NKAIN2: variants seen among roughly 807,000 people sequenced by gnomAD.
The protein encoded by NKAIN2 is sodium/potassium transporting ATPase interacting 2.
In NKAIN2, 14 loss-of-function variants were observed where a neutral mutation model predicts 32.6. The observed-to-expected ratio is 0.43, with a 90% CI of 0.28 to 0.67. The LOEUF (loss-of-function observed/expected upper bound fraction) is 0.67, where lower values mean the gene tolerates loss of function less well. Ranked by LOEUF, NKAIN2 falls within the 30% of genes least tolerant of loss-of-function variation. The probability of loss-of-function intolerance (pLI) is 0.17; values close to 1 mark genes in which losing one functional copy is unlikely to be tolerated. For synonymous variants in NKAIN2, 80 were observed against 87.2 expected, an observed-to-expected ratio of 0.92 and a Z score of 0.46; for missense variants, 198 against 258.3, an observed-to-expected ratio of 0.77 and a Z score of 1.60.
intron 4 of NKAIN2, among the ~76,000 whole-genome samples, chr6:124,700,338 T>G (rs1774712839): frequency 6.6e-6 from 1 of 152,202 alleles, no homozygotes; most frequent in Non-Finnish European, 1.5e-5. Context: ...TTGATTAGTA[T>G]TACTTCTGTT....
intron 1 of NKAIN2, among the ~76,000 whole-genome samples, chr6:123,949,338 A>G (rs1777219970): frequency 6.6e-6 from 1 of 151,930 alleles, no homozygotes; most frequent in Non-Finnish European, 1.5e-5. Context: ...GTCTGTGAAA[A>G]ACGGCATTGG....
intron 3 of NKAIN2, among the ~76,000 whole-genome samples, chr6:124,463,543 A>T (rs1326384193): frequency 6.6e-6 from 1 of 151,934 alleles, no homozygotes; most frequent in Non-Finnish European, 1.5e-5. Flanking sequence ...CAAGTGTTCT[A>T]CCACCTTCTA....
At chr6:124,089,757 T>C (rs1582622312) in intron 1 of NKAIN2, among the ~76,000 whole-genome samples, 1 of 151,996 alleles carries the variant, frequency 6.6e-6, no homozygotes, top group Non-Finnish European at 1.5e-5. Context: ...AAACATATTA[T>C]CTAGTGACTG....
intron 1 of NKAIN2, among the ~76,000 whole-genome samples, chr6:124,111,028 T>C (rs1785362129): frequency 6.6e-6 from 1 of 152,120 alleles, no homozygotes. Flanking sequence ...TATTTCTTTA[T>C]GATGTAGTTT....
intron 1 of NKAIN2, among the ~76,000 whole-genome samples, chr6:124,240,649 T>A (rs780944731): frequency 6.6e-6 from 1 of 152,032 alleles, no homozygotes; most frequent in Non-Finnish European, 1.5e-5. Flanking sequence ...AAAAAGCACA[T>A]GATTATCTCA....
chr6:123,937,883 G>T (rs1776592063), intron 1 of NKAIN2, among the ~76,000 whole-genome samples: 1 of 135,760 alleles, frequency 7.4e-6, no homozygotes, highest in South Asian at 2.5e-4. Context: ...CTCCCTTCAA[G>T]CTGCTCCAAG....
intron 1 of NKAIN2, among the ~76,000 whole-genome samples, chr6:123,868,649 T>C (rs534244788): frequency 1.3e-5 from 2 of 152,328 alleles, no homozygotes; most frequent in Non-Finnish European, 2.9e-5. Context: ...CAAAATTATT[T>C]ACAAATCTCT....
intron 1 of NKAIN2, among the ~76,000 whole-genome samples, chr6:124,280,736 A>G (rs1302049254): frequency 6.6e-6 from 1 of 152,170 alleles, no homozygotes; most frequent in African/African-American, 2.4e-5. Context: ...AATTCATAGG[A>G]AAGACTGCAG....
intron 3 of NKAIN2, among the ~76,000 whole-genome samples, chr6:124,553,457 G>A (rs899130241): frequency 2.6e-5 from 4 of 152,030 alleles, no homozygotes; most frequent in East Asian, 3.9e-4. Flanking sequence ...ACAGGCAGGC[G>A]CCACCACAGC....
intron 1 of NKAIN2, among the ~76,000 whole-genome samples, chr6:124,012,405 G>A (rs1255394777): frequency 3.5e-5 from 5 of 144,332 alleles, no homozygotes; most frequent in East Asian, 2.1e-4. Flanking sequence ...GTGCGATCTC[G>A]GCTCACTGCA....
At chr6:124,321,480 AAG>A (rs1470339306) in intron 2 of NKAIN2, among the ~76,000 whole-genome samples, 3 of 152,210 alleles carry the variant, frequency 2.0e-5, no homozygotes, top group Non-Finnish European at 4.4e-5. Context: ...AAAATTAAAA[AAG>A]AGTTTTGCTA....
intron 1 of NKAIN2, among the ~76,000 whole-genome samples, chr6:124,127,883 A>G (rs752696393): frequency 2.6e-4 from 39 of 152,034 alleles, no homozygotes; most frequent in Non-Finnish European, 4.7e-4. Flanking sequence ...GCTGGAGTGC[A>G]GTGCGCGATC....
intron 1 of NKAIN2, among the ~76,000 whole-genome samples, chr6:124,137,948 T>A (rs1031379489): frequency 1.3e-5 from 2 of 152,058 alleles, no homozygotes; most frequent in Admixed American, 6.6e-5. Flanking sequence ...GTAAGCATTG[T>A]CTTAGGCAGA....
intron 3 of NKAIN2, among the ~76,000 whole-genome samples, chr6:124,545,065 G>C (rs1036938079): frequency 2.0e-5 from 3 of 152,140 alleles, no homozygotes; most frequent in Non-Finnish European, 4.4e-5. Context: ...AAACCGTAAG[G>C]CCTCACTTCA....
intron 1 of NKAIN2, among the ~76,000 whole-genome samples, chr6:124,179,972 C>T (rs767344312): frequency 3.3e-5 from 5 of 152,102 alleles, no homozygotes; most frequent in Non-Finnish European, 4.4e-5. Flanking sequence ...TTAGATATTG[C>T]ATAGTGCTGA....
chr6:124,304,208 A>T (rs913440756), intron 2 of NKAIN2, among the ~76,000 whole-genome samples: 1 of 152,140 alleles, frequency 6.6e-6, no homozygotes, highest in African/African-American at 2.4e-5. Context: ...GTAAATAATA[A>T]TTAACTCATT....
intron 3 of NKAIN2, among the ~76,000 whole-genome samples, chr6:124,361,401 G>T (rs77620895): frequency 0.015 from 2,264 of 152,130 alleles, 32 homozygotes; most frequent in Non-Finnish European, 0.023. Flanking sequence ...AGTGAATGGT[G>T]TGCCTATCTT....
chr6:124,795,620 A>C (rs1238992967), intron 5 of NKAIN2, among the ~76,000 whole-genome samples: 1 of 152,140 alleles, frequency 6.6e-6, no homozygotes, highest in Non-Finnish European at 1.5e-5. Context: ...GTGGCTTATA[A>C]ATGACAGAAA....
intron 1 of NKAIN2, among the ~76,000 whole-genome samples, chr6:124,119,287 C>G (rs1333146765): frequency 6.6e-6 from 1 of 152,100 alleles, no homozygotes; most frequent in Non-Finnish European, 1.5e-5. Context: ...TCTGCATTCT[C>G]CAGAACAAAT....
Sources: gnomAD v4.1 joint callset for allele counts (sites outside exome capture counted in the v4.1 genomes callset) on GRCh38, gnomAD v4.1.1 for gene constraint, MANE v1.5 for transcripts, NCBI Gene and HGNC (gene_info 2026-07-23, HGNC 2026-07-21) for gene names.